The following FGF1 variants were observed in gnomAD, a reference collection of about 807,000 sequenced individuals.
The protein encoded by FGF1 is beta-endothelial cell growth factor.
Under a neutral mutation model 13.4 loss-of-function variants are expected in FGF1, and 9 were observed. The observed-to-expected ratio is 0.67, with a 90% CI of 0.40 to 1.17. The LOEUF (loss-of-function observed/expected upper bound fraction) is 1.17. FGF1 is among the 50% of genes most tolerant of loss of function. FGF1 has a pLI of 0.01. For missense variants in FGF1, 156 were observed against 192.7 expected, an observed-to-expected ratio of 0.81 and a Z score of 1.13; for synonymous variants, 93 against 79.0, an observed-to-expected ratio of 1.18 and a Z score of -0.94.
At chr5:142,622,874 G>A (rs1224193916) in intron 1 of FGF1, among the ~76,000 whole-genome samples, 1 of 152,236 alleles carries the variant, frequency 6.6e-6, no homozygotes, top group Non-Finnish European at 1.5e-5. Context: ...CCCCAAACCA[G>A]TTCTGTTCCA....
At chr5:142,694,281 C>G (rs2152073215) in intron 2 of FGF1, among the ~76,000 whole-genome samples, 1 of 151,788 alleles carries the variant, frequency 6.6e-6, no homozygotes, top group South Asian at 2.1e-4. Context: ...AAGGTCACGA[C>G]TCACTCTCAC....
intron 2 of FGF1, among the ~76,000 whole-genome samples, chr5:142,603,130 A>G (rs1467235138): frequency 6.6e-6 from 1 of 152,162 alleles, no homozygotes; most frequent in East Asian, 1.9e-4. Flanking sequence ...ATGGGCCTCC[A>G]CTGTAAGCTG....
chr5:142,690,661 C>A (rs1312729026), upstream of FGF1, among the ~76,000 whole-genome samples: 1 of 152,210 alleles, frequency 6.6e-6, no homozygotes, highest in Non-Finnish European at 1.5e-5. Context: ...GGGGTATCTT[C>A]CTAATTGGCC....
At chr5:142,629,889 A>AT (rs1409056697) in intron 1 of FGF1, among the ~76,000 whole-genome samples, 2 of 98,772 alleles carry the variant, frequency 2.0e-5, no homozygotes, top group African/African-American at 7.0e-5. Context: ...ATATATATAT[A>AT]TATATATTTT....
At chr5:142,652,186 T>G (rs17099158) in intron 1 of FGF1, among the ~76,000 whole-genome samples, 19,324 of 152,162 alleles carry the variant, frequency 0.13, 2,558 homozygotes, top group African/African-American at 0.34. Flanking sequence ...CCAGGTCTTA[T>G]TATTTGGGCT....
At chr5:142,654,570 G>A (rs1395239558) in intron 1 of FGF1, among the ~76,000 whole-genome samples, 1 of 152,216 alleles carries the variant, frequency 6.6e-6, no homozygotes, top group Non-Finnish European at 1.5e-5. Flanking sequence ...TAGCAAAAGT[G>A]GGGCATAAAT....
intron 2 of FGF1, among the ~76,000 whole-genome samples, chr5:142,607,098 C>T (rs969308437): frequency 2.6e-5 from 4 of 152,060 alleles, no homozygotes; most frequent in African/African-American, 9.7e-5. Context: ...CTTTTTGTTC[C>T]TCGTGACCCC....
At chr5:142,648,767 G>A (rs1766672348) in intron 1 of FGF1, among the ~76,000 whole-genome samples, 1 of 150,584 alleles carries the variant, frequency 6.6e-6, no homozygotes, top group Non-Finnish European at 1.5e-5. Flanking sequence ...TGAGAGACCT[G>A]AGAATGTTTG....
chr5:142,595,227 G>T lies in FGF1; in HGVS notation c.*63C>A, dbSNP rs1755000067. On this transcript the variant is annotated 3_prime_UTR_variant, in exon 4 of 4. Transcript: ENST00000337706. The stretch of plus-strand genomic sequence containing the variant: ...GCCAATGGTCAAGGGAACATTTTTG[G>T]GTCAACCAGGTGAGGACCCCTCGAA... 1 of 1,419,850 alleles carries T rather than the reference G, an allele frequency of 7.0e-7. No individual in the cohort carries two copies. 88.0% of individuals were successfully genotyped at this position (1,419,850 alleles called of 1,614,324 possible).
At chr5:142,652,550 T>C (rs1767444013) in intron 1 of FGF1, among the ~76,000 whole-genome samples, 1 of 152,132 alleles carries the variant, frequency 6.6e-6, no homozygotes, top group South Asian at 2.1e-4. Context: ...AAGACCCCCT[T>C]TAGGAAACAG....
intron 2 of FGF1, among the ~76,000 whole-genome samples, chr5:142,613,414 T>C (rs1298678973): frequency 6.6e-6 from 1 of 152,242 alleles, no homozygotes; most frequent in African/African-American, 2.4e-5. Context: ...ACTTTACCAC[T>C]GCTGGTTACC....
At chr5:142,637,540 C>T (rs1269762528) in intron 1 of FGF1, among the ~76,000 whole-genome samples, 3 of 151,964 alleles carry the variant, frequency 2.0e-5, no homozygotes, top group Non-Finnish European at 2.9e-5. Context: ...ACGATGGTCT[C>T]AATCTCCTGA....
intron 1 of FGF1, among the ~76,000 whole-genome samples, chr5:142,617,634 C>T (rs564712363): frequency 6.6e-6 from 1 of 152,236 alleles, no homozygotes; most frequent in African/African-American, 2.4e-5. Flanking sequence ...TTCAGATCCA[C>T]AACTGAAAAC....
At chr5:142,662,831 A>C (rs1008370868) in intron 1 of FGF1, among the ~76,000 whole-genome samples, 2 of 152,078 alleles carry the variant, frequency 1.3e-5, no homozygotes, top group Non-Finnish European at 2.9e-5. Context: ...TTAAAATTGT[A>C]ATTTTTTTTT....
intron 1 of FGF1, among the ~76,000 whole-genome samples, chr5:142,635,196 G>A (rs565448160): frequency 2.0e-5 from 3 of 152,248 alleles, no homozygotes; most frequent in East Asian, 3.9e-4. Context: ...CCACTCCCTT[G>A]TGCCTCAATT....
At chr5:142,625,948 T>C (rs10070929) in intron 1 of FGF1, among the ~76,000 whole-genome samples, 1 of 152,110 alleles carries the variant, frequency 6.6e-6, no homozygotes, top group Non-Finnish European at 1.5e-5. Context: ...TGCAGTCTTT[T>C]GAAGTATGTG....
intron 1 of FGF1, among the ~76,000 whole-genome samples, chr5:142,624,057 A>G (rs887096353): frequency 6.6e-6 from 1 of 152,008 alleles, no homozygotes; most frequent in African/African-American, 2.4e-5. Context: ...GTAGCTGGGA[A>G]TACAGGCACC....
At chr5:142,605,582 G>A (rs1757489937) in intron 2 of FGF1, among the ~76,000 whole-genome samples, 1 of 152,182 alleles carries the variant, frequency 6.6e-6, no homozygotes, top group Non-Finnish European at 1.5e-5. Context: ...GTAAACAAGA[G>A]CCAGAGGCCT....
chr5:142,595,314 G>T lies in FGF1; in HGVS notation c.444C>A (p.Leu148=). The T allele has an allele frequency of 6.2e-7, 1 of 1,613,964 alleles. No individual in the cohort carries two copies. Among genetic ancestry groups the T allele is most frequent in the Admixed American group, 1.7e-5 (1 of 60,010 alleles). The stretch of plus-strand genomic sequence containing the variant: ...TTTAATCAGAAGAGACTGGCAGGGG[G>T]AGAAACAAGATTGCTTTCTGGCCAT... ...THYGQKAILF[L]PLPVSSD is the part of the protein sequence containing the mutation. The change falls in exon 4 of 4, where the codon CTC becomes CTA. Residue 148 remains leucine (L), a synonymous_variant. Coordinates refer to ENST00000337706, the MANE Select transcript of FGF1 (RefSeq NM_000800.5).
Sources: gnomAD v4.1 joint callset for allele counts (sites outside exome capture counted in the v4.1 genomes callset) on GRCh38, gnomAD v4.1.1 for gene constraint, MANE v1.5 for transcripts, NCBI Gene and HGNC (gene_info 2026-07-23, HGNC 2026-07-21) for gene names.